KDM4C: variants seen among roughly 807,000 people sequenced by gnomAD.
The protein encoded by KDM4C is lysine demethylase 4C.
Under a neutral mutation model 129.3 loss-of-function variants are expected in KDM4C, and 81 were observed. The observed-to-expected ratio is 0.63, with a 90% CI of 0.52 to 0.75. The LOEUF (loss-of-function observed/expected upper bound fraction) is 0.75, where lower values mean the gene tolerates loss of function less well. KDM4C is among the 30% of genes least tolerant of loss of function. The probability of loss-of-function intolerance (pLI) is 0.00; values close to 1 mark genes in which losing one functional copy is unlikely to be tolerated. For missense variants in KDM4C, 1,457 were observed against 1,304.0 expected (o/e 1.12, Z -1.81); for synonymous variants, 573 against 456.1 (o/e 1.26, Z -3.26).
rs190922348 is a variant in KDM4C, at chr9:7,042,171, C to T, written c.2260-4691C>T. On this transcript the variant is annotated intron_variant, in intron 15 of 21. Coordinates refer to ENST00000381309, the MANE Select transcript of KDM4C (RefSeq NM_015061.6). Reference sequence around the variant, plus strand: ...TAATTTAGGGAAGTACTAATTTTTTCCTCTACAGATAAAGTATCTGAGGCA... The same window carrying T: ...TAATTTAGGGAAGTACTAATTTTTTTCTCTACAGATAAAGTATCTGAGGCA... Among the ~76,000 whole-genome samples the T allele has an allele frequency of 7.8e-3, 1,184 of 152,066 alleles. 5 individuals carry two copies. Among genetic ancestry groups the T allele is most frequent in the Non-Finnish European group, 0.012 (794 of 67,932 alleles).
At chr9:6,875,485 C>G (rs944402895) in intron 5 of KDM4C, among the ~76,000 whole-genome samples, 4 of 152,038 alleles carry the variant, frequency 2.6e-5, no homozygotes, top group African/African-American at 9.7e-5. Context: ...GTCCTGGTGC[C>G]TGGTAGGTAG....
chr9:6,891,285 G>A (rs557190394), intron 7 of KDM4C, among the ~76,000 whole-genome samples: 1 of 152,254 alleles, frequency 6.6e-6, no homozygotes, highest in South Asian at 2.1e-4. Flanking sequence ...GAATAAATAA[G>A]CAAGTGTGAT....
chr9:6,965,695 G>C (rs1353669611), intron 8 of KDM4C, among the ~76,000 whole-genome samples: 1 of 152,218 alleles, frequency 6.6e-6, no homozygotes, highest in Non-Finnish European at 1.5e-5. Context: ...CATGCAGTCA[G>C]ACAAACAGGT....
chr9:6,888,140 T>G lies in KDM4C; in HGVS notation c.783+77T>G, dbSNP rs1454081283. 4.3e-6 allele frequency: 3 copies of G among 696,926 alleles called. No homozygotes were observed. In the Admixed American group the frequency reaches 8.9e-5, roughly 21 times the overall value. 43.2% of individuals were successfully genotyped at this position (696,926 alleles called of 1,614,324 possible). ...ATTTAAGAAGTAATGTATCTTTAAC[T>G]TCCAGTAGAATTTTTAGGATGTGGG... On this transcript the variant is annotated intron_variant, in intron 7 of 21. Transcript: ENST00000381309.
chr9:6,902,168 G>A (rs1176776057), intron 8 of KDM4C, among the ~76,000 whole-genome samples: 5 of 152,090 alleles, frequency 3.3e-5, no homozygotes, highest in African/African-American at 1.2e-4. Context: ...ATAAATTGGA[G>A]ATGTGTAATG....
chr9:6,903,354 T>C (rs982310450), intron 8 of KDM4C, among the ~76,000 whole-genome samples: 3 of 152,196 alleles, frequency 2.0e-5, no homozygotes, highest in Non-Finnish European at 4.4e-5. Flanking sequence ...TAATGATTTC[T>C]TTTCTTTTTT....
intron 1 of KDM4C, among the ~76,000 whole-genome samples, chr9:6,750,777 C>T (rs1818040807): frequency 6.6e-6 from 1 of 152,186 alleles, no homozygotes; most frequent in African/African-American, 2.4e-5. Context: ...TAATAAATAA[C>T]CTCAAAACGT....
chr9:6,904,276 A>G (rs1419146801), intron 8 of KDM4C, among the ~76,000 whole-genome samples: 2 of 152,138 alleles, frequency 1.3e-5, no homozygotes, highest in African/African-American at 4.8e-5. Context: ...ATGTCTATCT[A>G]TATATTTATA....
chr9:6,896,151 A>G (rs1816396508), intron 8 of KDM4C, among the ~76,000 whole-genome samples: 1 of 152,224 alleles, frequency 6.6e-6, no homozygotes, highest in Non-Finnish European at 1.5e-5. Flanking sequence ...ATTGCACTAA[A>G]AAGACTTTTA....
intron 18 of KDM4C, among the ~76,000 whole-genome samples, chr9:7,122,955 T>TA (rs1247808782): frequency 1.3e-5 from 2 of 152,230 alleles, no homozygotes; most frequent in African/African-American, 2.4e-5. Flanking sequence ...AATAGATTCT[T>TA]AGACTTTTCT....
At chr9:6,840,122 G>A (rs1392254680) in intron 4 of KDM4C, among the ~76,000 whole-genome samples, 2 of 150,082 alleles carry the variant, frequency 1.3e-5, no homozygotes, top group Non-Finnish European at 3.0e-5. Flanking sequence ...ACCCAGGCTG[G>A]AGTGCAGTGC....
chr9:6,920,075 C>T (rs1392600174), intron 8 of KDM4C, among the ~76,000 whole-genome samples: 1 of 152,036 alleles, frequency 6.6e-6, no homozygotes, highest in Non-Finnish European at 1.5e-5. Context: ...GAGGCCAGCC[C>T]ATGCAGAAGA....
chr9:7,160,370 G>T (rs752899353), intron 19 of KDM4C, among the ~76,000 whole-genome samples: 5 of 152,100 alleles, frequency 3.3e-5, no homozygotes, highest in Non-Finnish European at 7.3e-5. Flanking sequence ...GCTTTGTTCC[G>T]TTGCTGGCGA....
At chr9:6,907,061 T>C (rs1050702091) in intron 8 of KDM4C, among the ~76,000 whole-genome samples, 2 of 152,192 alleles carry the variant, frequency 1.3e-5, no homozygotes, top group African/African-American at 4.8e-5. Context: ...AAAATATGCT[T>C]ACAAGCATTA....
chr9:6,858,328 A>G (rs1448582749), intron 5 of KDM4C, among the ~76,000 whole-genome samples: 1 of 150,150 alleles, frequency 6.7e-6, no homozygotes, highest in Non-Finnish European at 1.5e-5. Context: ...CTTTTTTGCT[A>G]CTCTTTTAGT....
At chr9:6,734,385 C>G (rs935828326) in intron 1 of KDM4C, among the ~76,000 whole-genome samples, 2 of 150,926 alleles carry the variant, frequency 1.3e-5, no homozygotes, top group African/African-American at 2.4e-5. Flanking sequence ...ACCTCTGCCT[C>G]CCGGGTTCAA....
At chr9:6,721,081 A>G in intron 1 of KDM4C, 3 of 1,309,114 alleles carry the variant, frequency 2.3e-6, no homozygotes, top group Non-Finnish European at 3.2e-6. Context: ...TAATTTCTTT[A>G]TTTTTATTTT....
At chr9:6,896,008 T>G (rs1816368323) in intron 8 of KDM4C, among the ~76,000 whole-genome samples, 1 of 152,212 alleles carries the variant, frequency 6.6e-6, no homozygotes, top group African/African-American at 2.4e-5. Context: ...CACATATTTT[T>G]GATCTCCAAG....
intron 15 of KDM4C, among the ~76,000 whole-genome samples, chr9:7,033,626 T>A (rs937509885): frequency 6.6e-6 from 1 of 152,226 alleles, no homozygotes; most frequent in Non-Finnish European, 1.5e-5. Flanking sequence ...TTTTCTCTGT[T>A]CTTTCCTCTT....
Sources: allele counts gnomAD v4.1 joint callset (sites outside exome capture counted in the v4.1 genomes callset), GRCh38; gene constraint gnomAD v4.1.1; transcripts MANE v1.5; gene names NCBI Gene and HGNC (gene_info 2026-07-23, HGNC 2026-07-21).